NUTM2B: variants seen among roughly 807,000 people sequenced by gnomAD.
NUTM2B encodes family with sequence similarity 22, member B.
Under a neutral mutation model 42.4 loss-of-function variants are expected in NUTM2B, and 2 were observed. That is an observed-to-expected ratio of 0.05 (90% CI 0.02 to 0.15). The LOEUF is 0.15. Among genes scored for constraint, NUTM2B ranks in the 10% least tolerant of loss-of-function variants. NUTM2B has a pLI of 1.00. For synonymous variants in NUTM2B, 18 were observed against 402.4 expected (o/e 0.04, Z 11.43); for missense variants, 58 against 952.6 (o/e 0.06, Z 12.36).
upstream of NUTM2B, among the ~76,000 whole-genome samples, chr10:79,701,883 T>C (rs2132238895): frequency 6.8e-6 from 1 of 146,400 alleles, no homozygotes; most frequent in East Asian, 2.0e-4. Context: ...ATATATTTTT[T>C]GTATCACTGG....
At chr10:79,700,712 T>C (rs385508), upstream of NUTM2B, among the ~76,000 whole-genome samples, 49,269 of 150,736 alleles carry the variant, frequency 0.33, 9,419 homozygotes, top group East Asian at 0.7. Context: ...TTTGCTCTCG[T>C]GCTGCGCGTC....
rs536576411 is a variant in NUTM2B at position 79,705,633 on chromosome 10, G to A, written c.383-409G>A. Among the ~76,000 whole-genome samples, 6 of 140,290 alleles carry A rather than the reference G, an allele frequency of 4.3e-5. No individual in the cohort carries two copies. The East Asian group carries it at 1.4e-3, about 33-fold the overall frequency. 92.0% of individuals were successfully genotyped at this position (140,290 alleles called of 152,430 possible). ...ATTCGGAAGCTTCTGGCTTCCTGTC[G>A]GCCTTCTGAGTGCGGAGCACTGCCC... is the stretch of plus-strand genomic sequence containing the variant. On this transcript the variant is annotated intron_variant, in intron 1 of 6. Transcript: ENST00000429828.
At chr10:79,711,924 C>T (rs746529225) in exon 7 of NUTM2B, 1 of 1,533,710 alleles carries the variant, frequency 6.5e-7, no homozygotes, top group Non-Finnish European at 8.8e-7. Flanking sequence ...CTGGCATGGC[C>T]AGGTCCGAAG....
chr10:79,697,998 C>T, the NUTM2B span, among the ~76,000 whole-genome samples: 16 of 151,004 alleles, frequency 1.1e-4, no homozygotes, highest in Admixed American at 7.9e-4. Context: ...ACCTCACGAA[C>T]TCTGAGAACA....
At chr10:79,695,008 A>G in the NUTM2B span, among the ~76,000 whole-genome samples, 1 of 152,240 alleles carries the variant, frequency 6.6e-6, no homozygotes, top group East Asian at 1.9e-4. Flanking sequence ...GCCGGAGCGA[A>G]TCTGGCTGCC....
chr10:79,695,019 C>T, the NUTM2B span, among the ~76,000 whole-genome samples: 2 of 152,206 alleles, frequency 1.3e-5, no homozygotes, highest in Non-Finnish European at 2.9e-5. Flanking sequence ...TCTGGCTGCC[C>T]AGGCTCTGTG....
At chr10:79,696,786 C>A in the NUTM2B span, among the ~76,000 whole-genome samples, 460 of 152,296 alleles carry the variant, frequency 3.0e-3, 4 homozygotes, top group East Asian at 0.019. Context: ...GCAGCAATAG[C>A]GCATGCACGT....
the NUTM2B span, chr10:79,692,167 G>A: frequency 6.6e-6 from 1 of 152,234 alleles, no homozygotes; most frequent in Non-Finnish European, 1.5e-5. Flanking sequence ...ATCAGAAGAG[G>A]GGGCTCTGAG....
At chr10:79,707,368 T>C (rs1840411976) in intron 2 of NUTM2B, among the ~76,000 whole-genome samples, 2 of 132,690 alleles carry the variant, frequency 1.5e-5, no homozygotes, top group South Asian at 3.0e-4. Flanking sequence ...ATGACATGCA[T>C]AGCACAGTGC....
chr10:79,709,716 T>C (rs2258809), intron 3 of NUTM2B, 84 bp from the exon 4 acceptor site: 2 of 525,464 alleles, frequency 3.8e-6, no homozygotes, highest in Admixed American at 3.5e-5. Context: ...CACTCCCTCC[T>C]ATCCCTGCCC....
At chr10:79,701,578 T>A (rs3881475), upstream of NUTM2B, among the ~76,000 whole-genome samples, 149,660 of 150,148 alleles carry the variant, frequency 1, 74,586 homozygotes, top group Middle Eastern at 1. Flanking sequence ...AAGTGCAGAG[T>A]CTGAGAGCTC....
At chr10:79,698,394 A>G (rs377445551), upstream of NUTM2B, among the ~76,000 whole-genome samples, 23,999 of 132,174 alleles carry the variant, frequency 0.18, no homozygotes, top group African/African-American at 0.29. Context: ...CTCCAAAGAA[A>G]TACACTTTAA....
upstream of NUTM2B, among the ~76,000 whole-genome samples, chr10:79,700,069 C>A (rs867804410): frequency 1.3e-5 from 2 of 152,134 alleles, no homozygotes; most frequent in Non-Finnish European, 2.9e-5. Context: ...CATAAGTAAG[C>A]GATTGTCATG....
the NUTM2B span, among the ~76,000 whole-genome samples, chr10:79,697,391 CTGTT>C: frequency 8.6e-5 from 13 of 151,898 alleles, no homozygotes; most frequent in Non-Finnish European, 1.8e-4. Flanking sequence ...TCACAGCTGT[CTGTT>C]CCTGTTTATG....
chr10:79,700,652 G>A (rs999479106), upstream of NUTM2B, among the ~76,000 whole-genome samples: 3 of 152,086 alleles, frequency 2.0e-5, no homozygotes, highest in Non-Finnish European at 4.4e-5. Context: ...TTATTTTTAG[G>A]TAACACCAAG....
At chr10:79,701,834 AC>A (rs1274677604), upstream of NUTM2B, among the ~76,000 whole-genome samples, 42 of 149,216 alleles carry the variant, frequency 2.8e-4, no homozygotes, top group Middle Eastern at 3.5e-3. Context: ...TCAAACATGT[AC>A]AGAAGCGATT....
At chr10:79,699,089 C>A (rs1226086323), upstream of NUTM2B, among the ~76,000 whole-genome samples, 1 of 151,646 alleles carries the variant, frequency 6.6e-6, no homozygotes, top group African/African-American at 2.4e-5. Context: ...GCCATACACA[C>A]CCCCTGAAAA....
upstream of NUTM2B, among the ~76,000 whole-genome samples, chr10:79,699,474 G>A (rs560273561): frequency 2.6e-5 from 4 of 152,242 alleles, no homozygotes; most frequent in African/African-American, 7.2e-5. Flanking sequence ...ATGGAGTCTC[G>A]CTCTGTTGCC....
chr10:79,699,228 T>G (rs899643530), upstream of NUTM2B, among the ~76,000 whole-genome samples: 1 of 151,940 alleles, frequency 6.6e-6, no homozygotes, highest in African/African-American at 2.4e-5. Context: ...TTCTCTGTTA[T>G]TGCCCATGTG....
Sources: gnomAD v4.1 joint callset for allele counts (sites outside exome capture counted in the v4.1 genomes callset) on GRCh38, gnomAD v4.1.1 for gene constraint, MANE v1.5 for transcripts, NCBI Gene and HGNC (gene_info 2026-07-23, HGNC 2026-07-21) for gene names.